The following CDH13 variants were observed in gnomAD, a reference collection of about 807,000 sequenced individuals.
CDH13 encodes the protein cadherin-13.
A neutral mutation model predicts 63.8 loss-of-function variants in CDH13; 24 were observed. The observed-to-expected ratio is 0.38, with a 90% CI of 0.27 to 0.53. The LOEUF is 0.53. Ranked by LOEUF, CDH13 falls within the 20% of genes least tolerant of loss-of-function variation. The pLI is 0.85. For synonymous variants in CDH13, 503 were observed against 355.3 expected (o/e 1.42, Z -4.67); for missense variants, 1,049 against 903.1 (o/e 1.16, Z -2.07).
intron 5 of CDH13, among the ~76,000 whole-genome samples, chr16:83,281,245 G>A (rs878909050): frequency 1.3e-5 from 2 of 152,176 alleles, no homozygotes; most frequent in East Asian, 1.9e-4. Context: ...TCGCTGCTTC[G>A]CCTAGCACTA....
At chr16:82,797,680 A>G (rs74503272) in intron 1 of CDH13, among the ~76,000 whole-genome samples, 4,136 of 152,036 alleles carry the variant, frequency 0.027, 215 homozygotes, top group African/African-American at 0.095. Context: ...CTCATATACT[A>G]ATTTTATTCA....
chr16:83,346,437 C>A (rs1422984131), intron 6 of CDH13, among the ~76,000 whole-genome samples: 1 of 152,150 alleles, frequency 6.6e-6, no homozygotes, highest in East Asian at 1.9e-4. Flanking sequence ...ATTAAAGAGG[C>A]CAAAGTTTGA....
Position 82,668,470 on chromosome 16 carries a change from T to C in CDH13, c.45+41333T>C, listed in dbSNP as rs147339115. On this transcript the variant is annotated intron_variant, in intron 1 of 13. Coordinates refer to ENST00000567109, the MANE Select transcript of CDH13 (RefSeq NM_001257.5). ...ACTGGTAAAGGGGGGACAGTTATAA[T>C]ATTACCCCAAAGCTACAGCTCAGGG... is the stretch of plus-strand genomic sequence containing the variant. 6.9e-3 allele frequency among the ~76,000 whole-genome samples: 1,053 copies of C among 152,268 alleles called. 12 individuals carry two copies. The highest frequency in any genetic ancestry group is 0.012 in the Non-Finnish European group (802 of 68,008).
intron 7 of CDH13, among the ~76,000 whole-genome samples, chr16:83,549,232 A>C (rs1448922343): frequency 6.6e-6 from 1 of 152,180 alleles, no homozygotes; most frequent in Non-Finnish European, 1.5e-5. Context: ...AGCCCACGGG[A>C]GCACCTGTGA....
At chr16:82,727,284 T>C (rs139413148) in intron 1 of CDH13, among the ~76,000 whole-genome samples, 8 of 152,292 alleles carry the variant, frequency 5.3e-5, no homozygotes, top group African/African-American at 1.7e-4. Flanking sequence ...GAGGTTGCAG[T>C]TGTAAAATGT....
chr16:82,971,255 A>G (rs1908700494), intron 2 of CDH13, among the ~76,000 whole-genome samples: 1 of 152,210 alleles, frequency 6.6e-6, no homozygotes, highest in Admixed American at 6.5e-5. Context: ...AGCTGATTTG[A>G]TAACAGCCGT....
intron 5 of CDH13, among the ~76,000 whole-genome samples, chr16:83,259,019 C>A (rs1455244728): frequency 6.6e-6 from 1 of 152,134 alleles, no homozygotes; most frequent in Non-Finnish European, 1.5e-5. Context: ...TATCACCCAT[C>A]ATTGCCAGCC....
intron 11 of CDH13, among the ~76,000 whole-genome samples, chr16:83,750,110 A>ATATGGGCCAC (rs1912957506): frequency 6.6e-6 from 1 of 152,146 alleles, no homozygotes; most frequent in Non-Finnish European, 1.5e-5. Context: ...AGCCTGGCCA[A>ATATGGGCCAC]TATGGTGAAA....
At chr16:83,107,931 G>T (rs2151615425) in intron 3 of CDH13, among the ~76,000 whole-genome samples, 1 of 151,856 alleles carries the variant, frequency 6.6e-6, no homozygotes, top group South Asian at 2.1e-4. Context: ...GCAATTCCCT[G>T]CCTCAGCCTC....
At chr16:83,379,769 A>G (rs761793759) in intron 6 of CDH13, among the ~76,000 whole-genome samples, 26 of 152,082 alleles carry the variant, frequency 1.7e-4, no homozygotes, top group African/African-American at 4.3e-4. Context: ...ATGTGTATCA[A>G]TGGGTGAATG....
At chr16:82,916,514 C>T (rs2041996094) in intron 2 of CDH13, among the ~76,000 whole-genome samples, 1 of 151,874 alleles carries the variant, frequency 6.6e-6, no homozygotes, top group Admixed American at 6.6e-5. Context: ...TTGGAGGTTG[C>T]AGTGAGCTGA....
At chr16:82,660,261 G>T (rs1033680449) in intron 1 of CDH13, among the ~76,000 whole-genome samples, 19 of 152,062 alleles carry the variant, frequency 1.2e-4, no homozygotes, top group African/African-American at 4.3e-4. Flanking sequence ...GATAAATATG[G>T]GTCAGGCAGA....
chr16:83,544,461 C>A (rs928714291), intron 7 of CDH13, among the ~76,000 whole-genome samples: 1 of 152,046 alleles, frequency 6.6e-6, no homozygotes. Context: ...CTGCTAAACG[C>A]CATAGCTTAG....
In CDH13 at chr16:83,366,281, C is replaced by T. The variant is rs185446176; in HGVS notation, c.781+21275C>T. Among the ~76,000 whole-genome samples the T allele has an allele frequency of 1.0e-3, 153 of 152,248 alleles. 1 individual carries two copies. The highest frequency in any genetic ancestry group is 1.6e-3 in the Non-Finnish European group (112 of 68,024). On this transcript the variant is annotated intron_variant, in intron 6 of 13. Coordinates refer to ENST00000567109, the MANE Select transcript of CDH13 (RefSeq NM_001257.5). ...CATCATTCTTAAATTAAAACAGCAACGGAAGCAATCTCAGGGACATGTTTA... is the reference window on the plus strand; with the variant it reads ...CATCATTCTTAAATTAAAACAGCAATGGAAGCAATCTCAGGGACATGTTTA...
At chr16:82,790,647 A>T (rs1354861656) in intron 1 of CDH13, among the ~76,000 whole-genome samples, 2 of 152,202 alleles carry the variant, frequency 1.3e-5, no homozygotes, top group African/African-American at 4.8e-5. Flanking sequence ...TATAAAGGAA[A>T]GAGGTTTAAT....
At chr16:83,153,734 C>G (rs373847016) in intron 4 of CDH13, among the ~76,000 whole-genome samples, 6 of 152,124 alleles carry the variant, frequency 3.9e-5, no homozygotes, top group Non-Finnish European at 5.9e-5. Context: ...AGGAACCAAC[C>G]CTGGCATTAC....
intron 6 of CDH13, among the ~76,000 whole-genome samples, chr16:83,440,805 G>C (rs987519014): frequency 3.3e-5 from 5 of 149,996 alleles, no homozygotes; most frequent in Admixed American, 6.6e-5. Flanking sequence ...AAAAAAAAGC[G>C]GGGGAGGGAG....
chr16:83,291,920 T>A (rs1480563526), intron 5 of CDH13, among the ~76,000 whole-genome samples: 1 of 152,192 alleles, frequency 6.6e-6, no homozygotes, highest in East Asian at 1.9e-4. Context: ...TCCTCCAAGT[T>A]GTTTTTAACA....
chr16:83,197,770 AC>A (rs2038916692), intron 4 of CDH13, among the ~76,000 whole-genome samples: 2 of 151,146 alleles, frequency 1.3e-5, no homozygotes, highest in African/African-American at 4.9e-5. Flanking sequence ...ACACACACAC[AC>A]ACTCTCACAC....
Sources: gnomAD v4.1 joint callset for allele counts (sites outside exome capture counted in the v4.1 genomes callset) on GRCh38, gnomAD v4.1.1 for gene constraint, MANE v1.5 for transcripts, NCBI Gene and HGNC (gene_info 2026-07-23, HGNC 2026-07-21) for gene names.